The following VPS13B variants were observed in gnomAD, a reference collection of about 807,000 sequenced individuals.
VPS13B encodes the protein intermembrane lipid transfer protein VPS13B.
VPS13B carries 285 observed loss-of-function variants against 426.4 expected under a neutral mutation model. The ratio of observed to expected loss-of-function variants is 0.67; its 90% CI spans 0.61 to 0.74. VPS13B has a LOEUF of 0.74. Among genes scored for constraint, VPS13B ranks in the 30% least tolerant of loss-of-function variants. The probability of loss-of-function intolerance (pLI) is 0.00; values close to 1 mark genes in which losing one functional copy is unlikely to be tolerated. For synonymous variants in VPS13B, 1,676 were observed against 1,676.4 expected (o/e 1.00, Z 0.01); for missense variants, 4,537 against 4,782.6 (o/e 0.95, Z 1.51).
At chr8:99,568,801 TTTTTTTTG>T (rs1046218940) in intron 31 of VPS13B, among the ~76,000 whole-genome samples, 11 of 151,252 alleles carry the variant, frequency 7.3e-5, no homozygotes, top group Admixed American at 3.9e-4. Flanking sequence ...AACCACAAGT[TTTTTTTTG>T]TTTTTTTGTT....
At position 99,300,153 on chromosome 8, in the gene VPS13B, G is replaced by A. The variant is rs80222176; in HGVS notation, c.2824+24899G>A. ...TTTAGACTTATTTAAGCAAACTTGT[G>A]TGTGTGTTTGTGTGTACACCAGGGG... is the stretch of plus-strand genomic sequence containing the variant. On this transcript the variant is annotated intron_variant, in intron 19 of 61. Transcript: ENST00000357162. Among the ~76,000 whole-genome samples the A allele has an allele frequency of 9.0e-3, 1,366 of 152,192 alleles. 28 individuals are homozygous for A. Among genetic ancestry groups the A allele is most frequent in the African/African-American group, 0.032 (1,315 of 41,506 alleles).
chr8:99,240,262 G>A (rs1816851819), intron 17 of VPS13B, among the ~76,000 whole-genome samples: 1 of 152,102 alleles, frequency 6.6e-6, no homozygotes, highest in Non-Finnish European at 1.5e-5. Flanking sequence ...ATATTAATAA[G>A]GCCTCATTTA....
chr8:99,041,869 A>AG (rs1424725980), intron 3 of VPS13B, among the ~76,000 whole-genome samples: 2 of 151,226 alleles, frequency 1.3e-5, no homozygotes, highest in East Asian at 2.0e-4. Flanking sequence ...AAAAAAAAAA[A>AG]CTTCTTCAAC....
intron 3 of VPS13B, among the ~76,000 whole-genome samples, chr8:99,081,124 A>C (rs751175042): frequency 2.6e-5 from 4 of 152,192 alleles, no homozygotes; most frequent in Non-Finnish European, 5.9e-5. Context: ...CTCCTTCAAA[A>C]TTGGGGATTC....
chr8:99,036,037 A>G (rs1011212058), intron 2 of VPS13B, among the ~76,000 whole-genome samples: 3 of 152,112 alleles, frequency 2.0e-5, no homozygotes, highest in African/African-American at 7.2e-5. Flanking sequence ...ACTTGTTTAT[A>G]TATTCTAGAT....
At position 99,013,930 on chromosome 8, in the gene VPS13B, G is replaced by A; in HGVS notation, c.142G>A (p.Glu48Lys). 1 of 1,614,088 alleles carries A rather than the reference G, an allele frequency of 6.2e-7. No individual in the cohort carries two copies. The highest frequency in any genetic ancestry group is 8.5e-7 in the Non-Finnish European group (1 of 1,180,024). ...GCTCGAGTTAAAGTTGGATGTGCTG[G>A]AACAGGTAAGCTATTTAGCTGTCAT... ...SKLELKLDVL[E>K]QELKLPFTFL... Residue 48 changes from glutamate (E) to lysine (K), a missense_variant, in exon 2 of 62, where the codon GAA becomes AAA. Glu to Lys is a moderately conservative substitution (Grantham distance 56, BLOSUM62 1). Around this residue, in one of 2 missense-constraint regions of VPS13B, gnomAD observed 226 missense variants for 308.3 expected, o/e 0.73. Coordinates refer to ENST00000357162, the MANE Select transcript of VPS13B (RefSeq NM_152564.5).
At chr8:99,862,633 T>C (rs1447616819) in intron 58 of VPS13B, among the ~76,000 whole-genome samples, 1 of 152,254 alleles carries the variant, frequency 6.6e-6, no homozygotes, top group Admixed American at 6.5e-5. Context: ...AAAACTGTAT[T>C]GCTTGGCAAT....
intron 17 of VPS13B, among the ~76,000 whole-genome samples, chr8:99,255,476 C>T (rs1420442722): frequency 6.6e-6 from 1 of 151,962 alleles, no homozygotes; most frequent in Admixed American, 6.6e-5. Context: ...TATTGTTTTC[C>T]GAGATTCTGT....
chr8:99,273,725 AGAG>A (rs1818736088), intron 17 of VPS13B, among the ~76,000 whole-genome samples: 1 of 149,804 alleles, frequency 6.7e-6, no homozygotes, highest in African/African-American at 2.5e-5. Context: ...CAGAGCTTGC[AGAG>A]CTTGCAGTGA....
At chr8:99,015,923 C>T (rs975089942) in intron 2 of VPS13B, among the ~76,000 whole-genome samples, 7 of 152,094 alleles carry the variant, frequency 4.6e-5, no homozygotes, top group African/African-American at 7.2e-5. Flanking sequence ...ACGTACTCCC[C>T]ACTCCTAAAA....
intron 30 of VPS13B, among the ~76,000 whole-genome samples, chr8:99,537,541 A>G (rs547454233): frequency 6.6e-6 from 1 of 152,322 alleles, no homozygotes; most frequent in African/African-American, 2.4e-5. Context: ...GTGGAGCTCG[A>G]CTTCTACGCT....
chr8:99,410,850 G>A (rs1029907848), intron 21 of VPS13B, among the ~76,000 whole-genome samples: 2 of 152,100 alleles, frequency 1.3e-5, no homozygotes, highest in African/African-American at 4.8e-5. Context: ...TGCTGAGAAT[G>A]ATGGTTTCCA....
At chr8:99,660,038 A>C (rs912267891) in intron 34 of VPS13B, among the ~76,000 whole-genome samples, 1 of 152,236 alleles carries the variant, frequency 6.6e-6, no homozygotes, top group Non-Finnish European at 1.5e-5. Flanking sequence ...TATTTAAAAG[A>C]GAGAATAGTA....
chr8:99,812,270 T>C (rs1381546202), intron 44 of VPS13B, among the ~76,000 whole-genome samples: 1 of 152,098 alleles, frequency 6.6e-6, no homozygotes, highest in Non-Finnish European at 1.5e-5. Context: ...CGTTCAGATT[T>C]GTTCTGGTTA....
intron 12 of VPS13B, among the ~76,000 whole-genome samples, chr8:99,141,875 T>A (rs1262698278): frequency 5.2e-5 from 7 of 135,568 alleles, no homozygotes; most frequent in African/African-American, 1.9e-4. Context: ...AAACCCTGTC[T>A]CTACTAAAAA....
At chr8:99,311,673 A>G (rs959073630) in intron 19 of VPS13B, among the ~76,000 whole-genome samples, 1 of 152,204 alleles carries the variant, frequency 6.6e-6, no homozygotes, top group Non-Finnish European at 1.5e-5. Context: ...AGTTCTGTAG[A>G]TGTCTATTAA....
chr8:99,730,750 TAGGTAC>T (rs1329144709), intron 39 of VPS13B, among the ~76,000 whole-genome samples: 83 of 150,120 alleles, frequency 5.5e-4, no homozygotes, highest in Non-Finnish European at 6.4e-4. Context: ...AAGGTACCTG[TAGGTAC>T]AGGTACAGGT....
At chr8:99,640,073 AAAGAAAAGAAAAG>A (rs1829285432) in intron 33 of VPS13B, among the ~76,000 whole-genome samples, 1 of 143,074 alleles carries the variant, frequency 7.0e-6, no homozygotes, top group African/African-American at 2.5e-5. Context: ...AAAGAAAAGA[AAAGAAAAGAAAAG>A]AAAAGAAAAG....
At chr8:99,573,373 C>T (rs1825590625) in intron 31 of VPS13B, among the ~76,000 whole-genome samples, 1 of 152,150 alleles carries the variant, frequency 6.6e-6, no homozygotes, top group South Asian at 2.1e-4. Context: ...AAGTCCTTGC[C>T]CATGCCTATG....
Sources: gnomAD v4.1 joint callset for allele counts (sites outside exome capture counted in the v4.1 genomes callset) on GRCh38, gnomAD v4.1.1 for gene constraint, gnomAD v4.1.1 regional missense constraint, MANE v1.5 for transcripts, NCBI Gene and HGNC (gene_info 2026-07-23, HGNC 2026-07-21) for gene names.